Variants in NGEF observed in about 807,000 individuals in gnomAD.
NGEF encodes neuronal guanine nucleotide exchange factor.
NGEF carries 31 observed loss-of-function variants against 80.9 expected under a neutral mutation model. That is an observed-to-expected ratio of 0.38 (90% CI 0.29 to 0.52). The LOEUF (loss-of-function observed/expected upper bound fraction) is 0.52, where lower values mean the gene tolerates loss of function less well. Ranked by LOEUF, NGEF falls within the 20% of genes least tolerant of loss-of-function variation. NGEF has a pLI of 0.84. For missense variants in NGEF, 709 were observed against 926.2 expected (o/e 0.77, Z 3.04); for synonymous variants, 371 against 370.2 (o/e 1.00, Z -0.03).
At chr2:233,001,883 C>T (rs1047285205) in intron 1 of NGEF, among the ~76,000 whole-genome samples, 4 of 152,096 alleles carry the variant, frequency 2.6e-5, no homozygotes, top group Non-Finnish European at 5.9e-5. Flanking sequence ...GTTGTGGTGG[C>T]GTGCACCTGT....
At chr2:232,942,924 T>C (rs1429336936) in intron 3 of NGEF, among the ~76,000 whole-genome samples, 15 of 112,884 alleles carry the variant, frequency 1.3e-4, no homozygotes, top group African/African-American at 4.0e-4. Flanking sequence ...TTTTTTTTTT[T>C]CACTTACTGT....
At chr2:232,905,371 C>T (rs1051292176) in intron 5 of NGEF, among the ~76,000 whole-genome samples, 2 of 152,264 alleles carry the variant, frequency 1.3e-5, no homozygotes, top group Non-Finnish European at 2.9e-5. Context: ...CCCGAGGTGC[C>T]AGGATTGCAG....
intron 1 of NGEF, among the ~76,000 whole-genome samples, chr2:232,999,579 G>A (rs1007821255): frequency 5.9e-5 from 9 of 152,214 alleles, no homozygotes; most frequent in South Asian, 2.1e-4. Flanking sequence ...CATCAGACAG[G>A]GCATGAGCCA....
chr2:232,931,487 T>G (rs1339751322), intron 3 of NGEF, among the ~76,000 whole-genome samples: 1 of 152,208 alleles, frequency 6.6e-6, no homozygotes, highest in African/African-American at 2.4e-5. Flanking sequence ...AAGATGGAGC[T>G]GTTAAGCAAA....
chr2:232,956,119 G>A (rs1693824042), intron 3 of NGEF, among the ~76,000 whole-genome samples: 1 of 152,092 alleles, frequency 6.6e-6, no homozygotes, highest in South Asian at 2.1e-4. Flanking sequence ...TAAATATGAG[G>A]TAATTGAGGC....
At chr2:232,937,351 C>A (rs918148393) in intron 3 of NGEF, among the ~76,000 whole-genome samples, 1 of 152,214 alleles carries the variant, frequency 6.6e-6, no homozygotes, top group Non-Finnish European at 1.5e-5. Flanking sequence ...CTCCATCTGT[C>A]CTAAATGCAG....
chr2:232,902,496 C>G (rs1692385305), intron 5 of NGEF, among the ~76,000 whole-genome samples: 1 of 152,198 alleles, frequency 6.6e-6, no homozygotes, highest in Admixed American at 6.5e-5. Context: ...ATATTCAACG[C>G]AGCCATGGGA....
At chr2:232,997,742 G>A (rs1694883823) in intron 1 of NGEF, among the ~76,000 whole-genome samples, 1 of 152,080 alleles carries the variant, frequency 6.6e-6, no homozygotes. Context: ...CTGCTCTCCA[G>A]GGCCCACCCT....
chr2:232,980,683 G>C (rs889945148), intron 1 of NGEF, among the ~76,000 whole-genome samples: 1 of 151,994 alleles, frequency 6.6e-6, no homozygotes, highest in Non-Finnish European at 1.5e-5. Flanking sequence ...TTTTTAAATA[G>C]AGGCAGGGTT....
intron 5 of NGEF, among the ~76,000 whole-genome samples, chr2:232,914,910 G>A (rs965225357): frequency 2.6e-5 from 4 of 151,840 alleles, no homozygotes; most frequent in South Asian, 2.1e-4. Flanking sequence ...CCAGCTACTC[G>A]GGAGGCTGAG....
intron 11 of NGEF, 30 bp downstream of exon 11, chr2:232,883,951 G>A: frequency 1.9e-6 from 3 of 1,583,168 alleles, no homozygotes; most frequent in Non-Finnish European, 1.7e-6. Flanking sequence ...CTACCCACCG[G>A]AGCGCCTGAT....
intron 4 of NGEF, among the ~76,000 whole-genome samples, chr2:232,923,151 A>G (rs978161846): frequency 2.0e-5 from 3 of 152,234 alleles, no homozygotes; most frequent in African/African-American, 4.8e-5. Flanking sequence ...CTCACTTGGC[A>G]TATTTTTGAA....
intron 3 of NGEF, among the ~76,000 whole-genome samples, chr2:232,945,065 T>A (rs1693528495): frequency 6.6e-6 from 1 of 152,034 alleles, no homozygotes; most frequent in African/African-American, 2.4e-5. Context: ...AGTTTTGACT[T>A]ATAAACCATG....
At chr2:232,917,822 G>A (rs749832898) in intron 5 of NGEF, among the ~76,000 whole-genome samples, 16 of 152,094 alleles carry the variant, frequency 1.1e-4, no homozygotes, top group South Asian at 4.2e-4. Flanking sequence ...CACCCAGGCC[G>A]GAGGGCAGTG....
At chr2:232,970,498 G>A (rs1399279147) in intron 2 of NGEF, among the ~76,000 whole-genome samples, 170 bp from the exon 3 acceptor site, 1 of 152,182 alleles carries the variant, frequency 6.6e-6, no homozygotes, top group South Asian at 2.1e-4. Flanking sequence ...CACACCTCAT[G>A]CTGTGTCAGA....
At chr2:232,971,912 C>T (rs1464148078) in intron 2 of NGEF, among the ~76,000 whole-genome samples, 2 of 152,124 alleles carry the variant, frequency 1.3e-5, no homozygotes. Flanking sequence ...TGAAAGACTT[C>T]CCCGACCCCC....
intron 1 of NGEF, among the ~76,000 whole-genome samples, chr2:232,996,195 G>C (rs375288102): frequency 6.6e-6 from 1 of 152,100 alleles, no homozygotes; most frequent in African/African-American, 2.4e-5. Context: ...GGGTGTGGTA[G>C]CACACATCTG....
At chr2:232,926,623 G>A (rs1299198074) in intron 4 of NGEF, among the ~76,000 whole-genome samples, 12 of 151,872 alleles carry the variant, frequency 7.9e-5, no homozygotes, top group Non-Finnish European at 1.2e-4. Flanking sequence ...CCCTTCACAC[G>A]CCTCCTCCTC....
intron 3 of NGEF, 67 bp downstream of exon 3, chr2:232,970,147 C>G (rs1387350748): frequency 1.2e-5 from 10 of 865,442 alleles, no homozygotes; most frequent in Non-Finnish European, 1.7e-5. Context: ...CCTGTCAAGT[C>G]TTTGCAGCAA....
Sources: gnomAD v4.1 joint callset for allele counts (sites outside exome capture counted in the v4.1 genomes callset) on GRCh38, gnomAD v4.1.1 for gene constraint, MANE v1.5 for transcripts, NCBI Gene and HGNC (gene_info 2026-07-23, HGNC 2026-07-21) for gene names.